The following ADCY2 variants were observed in gnomAD, a reference collection of about 807,000 sequenced individuals.
ADCY2 encodes the protein adenylate cyclase 2, also known as adenylate cyclase type 2.
Under a neutral mutation model 125.2 loss-of-function variants are expected in ADCY2, and 31 were observed. The ratio of observed to expected loss-of-function variants is 0.25; its 90% confidence interval spans 0.19 to 0.33. The LOEUF (loss-of-function observed/expected upper bound fraction) is 0.33. Among genes scored for constraint, ADCY2 ranks in the 10% least tolerant of loss-of-function variants. The pLI is 1.00. For synonymous variants in ADCY2, 512 were observed against 548.4 expected (o/e 0.93, Z 0.93); for missense variants, 904 against 1,418.2 (o/e 0.64, Z 5.82).
At chr5:7,698,430 G>T in intron 7 of ADCY2, 56 bp downstream of exon 7, 1 of 1,583,972 alleles carries the variant, frequency 6.3e-7, no homozygotes, top group East Asian at 2.2e-5. Flanking sequence ...TGGGGTACAT[G>T]TGCACAACGT....
At chr5:7,648,012 T>C (rs1738960592) in intron 4 of ADCY2, among the ~76,000 whole-genome samples, 1 of 152,248 alleles carries the variant, frequency 6.6e-6, no homozygotes, top group Non-Finnish European at 1.5e-5. Flanking sequence ...TTCAGTTTCC[T>C]CCTGCATAAA....
intron 20 of ADCY2, among the ~76,000 whole-genome samples, chr5:7,791,846 C>A (rs889205474): frequency 6.6e-6 from 1 of 152,046 alleles, no homozygotes; most frequent in Non-Finnish European, 1.5e-5. Context: ...TCTCCAAGGA[C>A]ACTGGGATGT....
At chr5:7,407,595 G>T (rs973502141) in intron 1 of ADCY2, among the ~76,000 whole-genome samples, 6 of 152,154 alleles carry the variant, frequency 3.9e-5, no homozygotes, top group African/African-American at 1.4e-4. Flanking sequence ...GCGAAAGGTG[G>T]TGCAGCTTGG....
chr5:7,567,928 TTTC>T, intron 3 of ADCY2, among the ~76,000 whole-genome samples: 1 of 67,560 alleles, frequency 1.5e-5, no homozygotes, highest in Non-Finnish European at 3.2e-5. Context: ...TCGTCCTCTC[TTTC>T]TCTCTCTCTC....
intron 3 of ADCY2, among the ~76,000 whole-genome samples, chr5:7,611,801 C>T (rs1371459465): frequency 1.3e-5 from 2 of 152,092 alleles, no homozygotes; most frequent in South Asian, 2.1e-4. Flanking sequence ...GAGAAGTGTG[C>T]CCAGTAAGCA....
intron 18 of ADCY2, 86 bp from the exon 19 acceptor site, chr5:7,784,279 G>A (rs758838112): frequency 3.1e-6 from 3 of 958,200 alleles, no homozygotes; most frequent in African/African-American, 3.2e-5. Context: ...TAGAGAATCT[G>A]ATATTTGTTG....
At chr5:7,769,462 A>G (rs1743494065) in intron 17 of ADCY2, among the ~76,000 whole-genome samples, 1 of 152,178 alleles carries the variant, frequency 6.6e-6, no homozygotes, top group African/African-American at 2.4e-5. Flanking sequence ...TACTACCAAT[A>G]ATAAGTAGCA....
At chr5:7,400,447 G>A (rs1418214127) in intron 1 of ADCY2, among the ~76,000 whole-genome samples, 1 of 152,170 alleles carries the variant, frequency 6.6e-6, no homozygotes, top group Non-Finnish European at 1.5e-5. Context: ...TATCAGAGAG[G>A]TTCTTTTGTG....
chr5:7,734,795 T>C (rs1324690759), intron 14 of ADCY2, among the ~76,000 whole-genome samples: 1 of 152,200 alleles, frequency 6.6e-6, no homozygotes, highest in Non-Finnish European at 1.5e-5. Flanking sequence ...CCATAGACTG[T>C]GTAGCTTAGG....
chr5:7,662,680 A>G (rs1373969177), intron 4 of ADCY2, among the ~76,000 whole-genome samples: 1 of 152,226 alleles, frequency 6.6e-6, no homozygotes, highest in African/African-American at 2.4e-5. Flanking sequence ...CCCCAAAGCC[A>G]CCGCGGTTTC....
chr5:7,525,187 A>G (rs1291601704), intron 3 of ADCY2, among the ~76,000 whole-genome samples: 3 of 152,006 alleles, frequency 2.0e-5, no homozygotes, highest in Non-Finnish European at 4.4e-5. Context: ...TTTGTATTTT[A>G]GTGGAGACAG....
chr5:7,775,066 G>A (rs1560978793), intron 18 of ADCY2, among the ~76,000 whole-genome samples: 1 of 152,006 alleles, frequency 6.6e-6, no homozygotes, highest in East Asian at 1.9e-4. Context: ...GAGTGCAGTG[G>A]CACAGTCTGG....
chr5:7,708,444 T>C (rs1741334913), intron 9 of ADCY2, among the ~76,000 whole-genome samples: 1 of 152,146 alleles, frequency 6.6e-6, no homozygotes, highest in South Asian at 2.1e-4. Context: ...TTAGGCCAGA[T>C]CAAGGGGCTT....
At chr5:7,677,051 C>T (rs970473775) in intron 4 of ADCY2, among the ~76,000 whole-genome samples, 8 of 151,950 alleles carry the variant, frequency 5.3e-5, no homozygotes, top group African/African-American at 1.2e-4. Context: ...CCGAGGCAGG[C>T]GGATCACCTG....
chr5:7,464,079 C>G (rs184779829), intron 2 of ADCY2, among the ~76,000 whole-genome samples: 4 of 152,144 alleles, frequency 2.6e-5, no homozygotes, highest in Non-Finnish European at 5.9e-5. Flanking sequence ...AAACCGTACT[C>G]TCATTTTATT....
intron 3 of ADCY2, among the ~76,000 whole-genome samples, chr5:7,558,057 ATT>A (rs368436342): frequency 0.25 from 36,487 of 146,050 alleles, 5,247 homozygotes; most frequent in Non-Finnish European, 0.34. Flanking sequence ...TTTTGGTTTT[ATT>A]TTTTTTTTTT....
intron 3 of ADCY2, among the ~76,000 whole-genome samples, chr5:7,561,988 C>T (rs1735722130): frequency 6.6e-6 from 1 of 152,140 alleles, no homozygotes; most frequent in Admixed American, 6.5e-5. Flanking sequence ...CTGTATACAT[C>T]CATAGACTCC....
chr5:7,403,838 C>G (rs1288611955), intron 1 of ADCY2, among the ~76,000 whole-genome samples: 1 of 151,990 alleles, frequency 6.6e-6, no homozygotes, highest in South Asian at 2.1e-4. Flanking sequence ...TTCTTCATAT[C>G]TGTCATATAT....
At chr5:7,425,860 T>A (rs2126362249) in intron 2 of ADCY2, among the ~76,000 whole-genome samples, 1 of 152,358 alleles carries the variant, frequency 6.6e-6, no homozygotes, top group African/African-American at 2.4e-5. Flanking sequence ...TGTTAATGTG[T>A]GTTTCCCATT....
Sources: gnomAD v4.1 joint callset for allele counts (sites outside exome capture counted in the v4.1 genomes callset) on GRCh38, gnomAD v4.1.1 for gene constraint, MANE v1.5 for transcripts, NCBI Gene and HGNC (gene_info 2026-07-23, HGNC 2026-07-21) for gene names.